The following MSH4 variants were observed in gnomAD, a reference collection of about 807,000 sequenced individuals.
MSH4 encodes the protein mutS protein homolog 4.
A neutral mutation model predicts 113.7 loss-of-function variants in MSH4; 106 were observed. The ratio of observed to expected loss-of-function variants is 0.93; its 90% CI spans 0.80 to 1.10. The LOEUF (loss-of-function observed/expected upper bound fraction) is 1.10, where lower values mean the gene tolerates loss of function less well. Among genes scored for constraint, MSH4 ranks in the 50% least tolerant of loss-of-function variants. The pLI, the probability that MSH4 is intolerant of heterozygous loss-of-function variation, is 0.00. For synonymous variants in MSH4, 368 were observed against 380.2 expected, an observed-to-expected ratio of 0.97 and a Z score of 0.37; for missense variants, 1,061 against 1,093.7, an observed-to-expected ratio of 0.97 and a Z score of 0.42.
At chr1:75,911,795 C>T (rs1652792293) in intron 19 of MSH4, among the ~76,000 whole-genome samples, 1 of 151,974 alleles carries the variant, frequency 6.6e-6, no homozygotes, top group African/African-American at 2.4e-5. Context: ...AAATCTTACT[C>T]ATTTTTCCTA....
At chr1:75,831,847 T>C (rs1330826975) in intron 7 of MSH4, among the ~76,000 whole-genome samples, 1 of 152,076 alleles carries the variant, frequency 6.6e-6, no homozygotes, top group Non-Finnish European at 1.5e-5. Context: ...AGATCTAAAA[T>C]TGACACCCTA....
In MSH4 at chr1:75,899,640, A is replaced by G. The variant is rs1239872520; in HGVS notation, c.2553A>G (p.Ser851=). The stretch of plus-strand genomic sequence containing the variant: ...TAGGATTAAAAGCTGCAGAGGTGTC[A>G]TCACTTCCACCATCAATTGTCTTGG... ...KNYGLKAAEV[S]SLPPSIVLDA... is the part of the protein sequence containing the mutation. Residue 851 remains serine, a synonymous_variant, in exon 19 of 20, where the codon TCA becomes TCG. Coordinates refer to ENST00000263187, the MANE Select transcript of MSH4 (RefSeq NM_002440.4). 2.0e-6 allele frequency: 3 copies of G among 1,509,526 alleles called. No individual in the cohort carries two copies. The African/African-American group carries it at 4.3e-5, about 22-fold the overall frequency. 93.5% of individuals were successfully genotyped at this position (1,509,526 alleles called of 1,614,324 possible).
At chr1:75,889,547 A>G (rs1490371229) in intron 16 of MSH4, among the ~76,000 whole-genome samples, 178 bp downstream of exon 16, 1 of 152,166 alleles carries the variant, frequency 6.6e-6, no homozygotes, top group Non-Finnish European at 1.5e-5. Context: ...ATGGAAGACA[A>G]TGTTTAAGTG....
chr1:75,844,675 G>T (rs992797597), intron 7 of MSH4, among the ~76,000 whole-genome samples: 1 of 152,186 alleles, frequency 6.6e-6, no homozygotes, highest in African/African-American at 2.4e-5. Flanking sequence ...ATTTAAAAGG[G>T]ATAGTTTACA....
intron 7 of MSH4, among the ~76,000 whole-genome samples, chr1:75,835,059 T>C (rs1158277388): frequency 6.6e-6 from 1 of 152,238 alleles, no homozygotes; most frequent in Non-Finnish European, 1.5e-5. Flanking sequence ...TACTACTCTT[T>C]GTCCAGTATT....
At chr1:75,886,505 T>A (rs1166136148) in intron 15 of MSH4, among the ~76,000 whole-genome samples, 1 of 116,464 alleles carries the variant, frequency 8.6e-6, no homozygotes, top group Admixed American at 1.0e-4. Context: ...TATGATGTAT[T>A]ATATATAATA....
At chr1:75,837,668 G>A (rs1473492964) in intron 7 of MSH4, among the ~76,000 whole-genome samples, 6 of 152,206 alleles carry the variant, frequency 3.9e-5, no homozygotes, top group East Asian at 1.9e-4. Context: ...GATTACAGGC[G>A]TGAACCACTG....
At chr1:75,844,939 A>G (rs75844418) in intron 7 of MSH4, among the ~76,000 whole-genome samples, 3,225 of 152,300 alleles carry the variant, frequency 0.021, 119 homozygotes, top group African/African-American at 0.074. Flanking sequence ...GCATCATCCC[A>G]CGCCAAAAGG....
chr1:75,900,228 C>T (rs1389845154), intron 19 of MSH4, among the ~76,000 whole-genome samples: 1 of 152,116 alleles, frequency 6.6e-6, no homozygotes, highest in East Asian at 1.9e-4. Context: ...CAACACTAAA[C>T]TCACATCTGT....
At chr1:75,885,440 T>C (rs1652054649) in intron 15 of MSH4, among the ~76,000 whole-genome samples, 1 of 84,144 alleles carries the variant, frequency 1.2e-5, no homozygotes. Context: ...TGAGTGTGTA[T>C]ATACATATAT....
At chr1:75,810,233 T>G (rs1179790982) in intron 3 of MSH4, among the ~76,000 whole-genome samples, 2 of 47,004 alleles carry the variant, frequency 4.3e-5, no homozygotes, top group Non-Finnish European at 7.3e-5. Flanking sequence ...GTGGTGGTGT[T>G]TGTTTGTCTG....
chr1:75,886,548 A>G (rs535897481), intron 15 of MSH4, among the ~76,000 whole-genome samples: 1 of 113,894 alleles, frequency 8.8e-6, no homozygotes, highest in Admixed American at 1.0e-4. Context: ...ATTATCTATT[A>G]TATACGATGT....
intron 19 of MSH4, among the ~76,000 whole-genome samples, chr1:75,901,626 T>C (rs954403959): frequency 6.6e-6 from 1 of 152,128 alleles, no homozygotes; most frequent in Non-Finnish European, 1.5e-5. Flanking sequence ...CGTGGGAATA[T>C]AGACATCTCT....
At chr1:75,840,656 C>T (rs1217659503) in intron 7 of MSH4, among the ~76,000 whole-genome samples, 3 of 147,920 alleles carry the variant, frequency 2.0e-5, no homozygotes, top group Non-Finnish European at 4.5e-5. Context: ...TACCCTAAAA[C>T]TTAAAGTATA....
chr1:75,907,689 CATA>C (rs1557535220), intron 19 of MSH4, among the ~76,000 whole-genome samples: 7,010 of 78,536 alleles, frequency 0.089, 500 homozygotes, highest in East Asian at 0.25. Context: ...TCTCTCTATA[CATA>C]TATATATATA....
rs533644819 is a variant in MSH4 at position 75,910,301 on chromosome 1, C to T, written c.2620-2395C>T. ...TCCATGATCTCTCTATGGCACTTGA[C>T]ACTACCCTTGTTTTCTCTTTTCTTA... On this transcript the variant is annotated intron_variant, in intron 19 of 19. Coordinates refer to ENST00000263187, the MANE Select transcript of MSH4 (RefSeq NM_002440.4). 3.9e-5 allele frequency among the ~76,000 whole-genome samples: 6 copies of T among 152,202 alleles called. No homozygotes were observed. The East Asian group carries it at 1.2e-3, about 29-fold the overall frequency.
chr1:75,842,410 C>T (rs1403670525), intron 7 of MSH4, among the ~76,000 whole-genome samples: 2 of 151,806 alleles, frequency 1.3e-5, no homozygotes, highest in South Asian at 2.1e-4. Context: ...CACCCAGGCC[C>T]CAAGGAAAGA....
At chr1:75,872,668 T>C (rs1188667871) in intron 9 of MSH4, among the ~76,000 whole-genome samples, 2 of 152,220 alleles carry the variant, frequency 1.3e-5, no homozygotes, top group African/African-American at 2.4e-5. Context: ...CACTTAATGG[T>C]ATACTGATCA....
chr1:75,867,013 T>C (rs1469641573), intron 8 of MSH4, among the ~76,000 whole-genome samples: 1 of 152,180 alleles, frequency 6.6e-6, no homozygotes, highest in African/African-American at 2.4e-5. Flanking sequence ...ATTTGGAATG[T>C]TGATATTGCT....
Sources: gnomAD v4.1 joint callset for allele counts (sites outside exome capture counted in the v4.1 genomes callset) on GRCh38, gnomAD v4.1.1 for gene constraint, MANE v1.5 for transcripts, NCBI Gene and HGNC (gene_info 2026-07-23, HGNC 2026-07-21) for gene names.